Variants in TTLL5 observed in about 807,000 individuals in gnomAD.
TTLL5 encodes tubulin tyrosine ligase like 5.
A neutral mutation model predicts 168.4 loss-of-function variants in TTLL5; 132 were observed. The ratio of observed to expected loss-of-function variants is 0.78; its 90% CI spans 0.68 to 0.91. The LOEUF is 0.91. Among genes scored for constraint, TTLL5 ranks in the 40% least tolerant of loss-of-function variants. TTLL5 has a pLI of 0.00. For missense variants in TTLL5, 1,545 were observed against 1,581.5 expected, an observed-to-expected ratio of 0.98 and a Z score of 0.39; for synonymous variants, 546 against 558.6, an observed-to-expected ratio of 0.98 and a Z score of 0.32.
chr14:75,917,264 T>G (rs2033651869), intron 31 of TTLL5, among the ~76,000 whole-genome samples: 1 of 152,230 alleles, frequency 6.6e-6, no homozygotes, highest in African/African-American at 2.4e-5. Context: ...GGTGTTTTTG[T>G]TTTCTCGATT....
chr14:75,771,945 G>A lies in TTLL5; in HGVS notation c.2136+91G>A, dbSNP rs28447626. On this transcript the variant is annotated intron_variant, in intron 21 of 31. Coordinates refer to ENST00000298832, the MANE Select transcript of TTLL5 (RefSeq NM_015072.5). ...TTTTTTTCCTATTAGGGTAAAGTGC[G>A]ATATTTTTCTGGTGAAAGGATTATT... 1.3e-3 allele frequency: 1,769 copies of A among 1,410,320 alleles called. 20 individuals carry two copies. In the African/African-American group the frequency reaches 0.024, roughly 19 times the overall value. 87.4% of individuals were successfully genotyped at this position (1,410,320 alleles called of 1,614,324 possible). A position where few individuals can be genotyped will look rare whatever the true frequency, so the allele number is the denominator to read the frequency against.
intron 29 of TTLL5, among the ~76,000 whole-genome samples, chr14:75,879,168 T>C (rs2031666254): frequency 6.6e-6 from 1 of 152,218 alleles, no homozygotes; most frequent in South Asian, 2.1e-4. Flanking sequence ...TAAGTGGCTA[T>C]AATACATGGT....
chr14:75,805,571 A>G (rs995494058), intron 27 of TTLL5, among the ~76,000 whole-genome samples: 5 of 152,122 alleles, frequency 3.3e-5, no homozygotes, highest in Admixed American at 2.0e-4. Flanking sequence ...TCCCAAGTAT[A>G]TATCTTTAGT....
chr14:75,925,745 C>T (rs565774440), intron 31 of TTLL5, among the ~76,000 whole-genome samples: 1 of 152,146 alleles, frequency 6.6e-6, no homozygotes, highest in South Asian at 2.1e-4. Flanking sequence ...CGCCACTGCA[C>T]TCCAGCCTGG....
intron 29 of TTLL5, 62 bp downstream of exon 29, chr14:75,863,924 AAAAAAAAAAAG>A: frequency 7.5e-7 from 1 of 1,329,540 alleles, no homozygotes; most frequent in African/African-American, 1.6e-5. Context: ...AAAAAAAAAA[AAAAAAAAAAAG>A]GTCAGTGAAT....
chr14:75,738,280 A>G (rs1490902178), intron 15 of TTLL5, among the ~76,000 whole-genome samples: 1 of 152,150 alleles, frequency 6.6e-6, no homozygotes, highest in South Asian at 2.1e-4. Flanking sequence ...TGTGCCTGCT[A>G]TTTGATGCTT....
chr14:75,894,688 G>A (rs962614334), intron 30 of TTLL5, among the ~76,000 whole-genome samples: 50 of 152,132 alleles, frequency 3.3e-4, no homozygotes, highest in Non-Finnish European at 1.5e-4. Context: ...TGATCAAATT[G>A]CATCTTTTTA....
At chr14:75,765,925 G>A (rs1342131609) in intron 19 of TTLL5, 137 bp from the exon 20 acceptor site, 2 of 632,698 alleles carry the variant, frequency 3.2e-6, no homozygotes, top group East Asian at 5.5e-5. Context: ...AGAGTGACAT[G>A]TGGGTGCTAT....
chr14:75,941,948 G>A (rs28628234), intron 31 of TTLL5, among the ~76,000 whole-genome samples: 1,599 of 149,502 alleles, frequency 0.011, 29 homozygotes, highest in African/African-American at 0.038. Context: ...TTTGGGAGCC[G>A]AGGCAGGCGG....
chr14:75,772,152 C>T lies in TTLL5; in HGVS notation c.2136+298C>T, dbSNP rs117182592. 9.4e-3 allele frequency among the ~76,000 whole-genome samples: 1,431 copies of T among 152,298 alleles called. 14 individuals are homozygous for T. Among genetic ancestry groups the T allele is most frequent in the Middle Eastern group, 0.034 (10 of 294 alleles). ...TTGATTTCTCATTGGACGTGAAGCC[C>T]TGTGCAAAGCCCTTTAAAAGAATAA... On this transcript the variant is annotated intron_variant, in intron 21 of 31. Coordinates refer to ENST00000298832, the MANE Select transcript of TTLL5 (RefSeq NM_015072.5).
chr14:75,862,464 G>T (rs2030096407), intron 28 of TTLL5, among the ~76,000 whole-genome samples: 2 of 152,182 alleles, frequency 1.3e-5, no homozygotes, highest in African/African-American at 2.4e-5. Flanking sequence ...AAGGGTTCCA[G>T]TTTTTCCACA....
At chr14:75,690,562 C>CT (rs964373659) in intron 6 of TTLL5, among the ~76,000 whole-genome samples, 4 of 151,880 alleles carry the variant, frequency 2.6e-5, no homozygotes, top group Non-Finnish European at 5.9e-5. Context: ...ATGCCCCTGT[C>CT]TTATGTATTT....
chr14:75,930,705 C>G lies in TTLL5; in HGVS notation c.3824-23719C>G, dbSNP rs115358451. The G allele has an allele frequency of 1.6e-3, 1,492 of 943,086 alleles. 27 individuals carry two copies. The South Asian group carries it at 0.024, about 15-fold the overall frequency. The allele number at this position is 943,086 out of a possible 1,614,324, so 58.4% of individuals were successfully genotyped here. ...AGGCAAAGAAAGCACTTTTATGGTTCTGAGAGAAAGAAGCGATTTCACCTG... is the reference window on the plus strand; with the variant it reads ...AGGCAAAGAAAGCACTTTTATGGTTGTGAGAGAAAGAAGCGATTTCACCTG... On this transcript the variant is annotated intron_variant, in intron 31 of 31. Transcript: ENST00000298832.
chr14:75,905,994 T>C (rs2033131525), intron 31 of TTLL5, among the ~76,000 whole-genome samples: 1 of 152,250 alleles, frequency 6.6e-6, no homozygotes, highest in Non-Finnish European at 1.5e-5. Flanking sequence ...TATTAAATGT[T>C]CGTTGTTTCT....
intron 27 of TTLL5, among the ~76,000 whole-genome samples, chr14:75,806,348 A>G (rs1566612267): frequency 6.6e-6 from 1 of 152,118 alleles, no homozygotes; most frequent in Non-Finnish European, 1.5e-5. Context: ...ATCCTTTCCT[A>G]AATCACAAGT....
At chr14:75,703,553 A>G (rs920318180) in intron 7 of TTLL5, among the ~76,000 whole-genome samples, 3 of 152,230 alleles carry the variant, frequency 2.0e-5, no homozygotes, top group African/African-American at 7.2e-5. Context: ...CCAATTTAGT[A>G]TATTCAAAGC....
intron 4 of TTLL5, among the ~76,000 whole-genome samples, chr14:75,682,367 G>A (rs1347779658): frequency 6.6e-6 from 1 of 152,098 alleles, no homozygotes; most frequent in Non-Finnish European, 1.5e-5. Flanking sequence ...CCCGAGTGAA[G>A]GTCAGATGGG....
At chr14:75,757,839 CAAG>C in intron 18 of TTLL5, 7 of 1,591,888 alleles carry the variant, frequency 4.4e-6, no homozygotes, top group Non-Finnish European at 5.9e-6. Context: ...AGGGGAAACC[CAAG>C]AAGAAGCTTA....
At chr14:75,942,377 A>G (rs1566670832) in intron 31 of TTLL5, among the ~76,000 whole-genome samples, 1 of 152,142 alleles carries the variant, frequency 6.6e-6, no homozygotes, top group Non-Finnish European at 1.5e-5. Context: ...TCAATCAACT[A>G]TTTACCAAGC....
Sources: allele counts gnomAD v4.1 joint callset (sites outside exome capture counted in the v4.1 genomes callset), GRCh38; gene constraint gnomAD v4.1.1; transcripts MANE v1.5; gene names NCBI Gene and HGNC (gene_info 2026-07-23, HGNC 2026-07-21).